The following USP15 variants were observed in gnomAD, a reference collection of about 807,000 sequenced individuals.
USP15 encodes the protein ubiquitin specific peptidase 15.
A neutral mutation model predicts 127.1 loss-of-function variants in USP15; 18 were observed. That is an observed-to-expected ratio of 0.14 (90% CI 0.10 to 0.21). The LOEUF is 0.21. Ranked by LOEUF, USP15 falls within the 10% of genes least tolerant of loss-of-function variation. USP15 has a pLI of 1.00. For missense variants in USP15, 805 were observed against 1,159.9 expected (o/e 0.69, Z 4.44); for synonymous variants, 364 against 393.7 (o/e 0.92, Z 0.89).
intron 1 of USP15, among the ~76,000 whole-genome samples, chr12:62,265,308 C>G (rs189366443): frequency 6.6e-6 from 1 of 152,148 alleles, no homozygotes; most frequent in South Asian, 2.1e-4. Context: ...AGGCCATGAC[C>G]TGTAATATTA....
intron 4 of USP15, among the ~76,000 whole-genome samples, chr12:62,319,540 A>G (rs2064926233): frequency 6.6e-6 from 1 of 152,208 alleles, no homozygotes; most frequent in African/African-American, 2.4e-5. Flanking sequence ...CTACAGAAGT[A>G]CCTTTATAGT....
chr12:62,364,536 A>C (rs970109085), intron 8 of USP15, among the ~76,000 whole-genome samples: 5 of 152,062 alleles, frequency 3.3e-5, no homozygotes, highest in Admixed American at 6.6e-5. Context: ...TTATTTAGTG[A>C]ATGGAATTAT....
At chr12:62,398,144 C>T (rs1038019696) in intron 20 of USP15, among the ~76,000 whole-genome samples, 6 of 151,742 alleles carry the variant, frequency 4.0e-5, no homozygotes, top group Non-Finnish European at 5.9e-5. Context: ...GCACATGCCA[C>T]CACACCCAGC....
chr12:62,402,221 A>G (rs1460771462), intron 21 of USP15, among the ~76,000 whole-genome samples: 1 of 151,940 alleles, frequency 6.6e-6, no homozygotes, highest in Non-Finnish European at 1.5e-5. Context: ...TTCTTCATTT[A>G]GTCAACAAAT....
At chr12:62,301,377 G>A (rs1371190864) in intron 2 of USP15, among the ~76,000 whole-genome samples, 7 of 152,108 alleles carry the variant, frequency 4.6e-5, no homozygotes, top group Non-Finnish European at 1.0e-4. Flanking sequence ...CCATATGACC[G>A]ATTGTACACA....
chr12:62,322,140 T>C (rs1216894518), intron 5 of USP15, among the ~76,000 whole-genome samples: 1 of 152,212 alleles, frequency 6.6e-6, no homozygotes, highest in Non-Finnish European at 1.5e-5. Flanking sequence ...TTTTGTTTGT[T>C]TGTTTGAGAC....
chr12:62,300,976 T>C (rs2131435), intron 2 of USP15, among the ~76,000 whole-genome samples: 33,968 of 151,916 alleles, frequency 0.22, 4,095 homozygotes, highest in African/African-American at 0.33. Flanking sequence ...TACAATCATG[T>C]AGCAGATAAA....
intron 1 of USP15, among the ~76,000 whole-genome samples, chr12:62,276,284 C>T (rs2063487718): frequency 6.6e-6 from 1 of 152,066 alleles, no homozygotes; most frequent in South Asian, 2.1e-4. Context: ...ATTTATAAAG[C>T]ATTGACTCCT....
In USP15 at chr12:62,366,524, T is replaced by A. The variant is rs148726276; in HGVS notation, c.915+11049T>A. Among the ~76,000 whole-genome samples, 690 of 152,336 alleles carry A rather than the reference T, an allele frequency of 4.5e-3. 5 individuals carry two copies. The highest frequency in any genetic ancestry group is 0.01 in the Middle Eastern group (3 of 294). The stretch of plus-strand genomic sequence containing the variant: ...GAGACAATTTGACTTCCTCTTTTCC[T>A]GTTTGAATACCCTTTATTTCTTTCT... On this transcript the variant is annotated intron_variant, in intron 8 of 21. Coordinates refer to ENST00000280377, the MANE Select transcript of USP15 (RefSeq NM_001252078.2).
At position 62,383,866 on chromosome 12, in the gene USP15, G is replaced by A; in HGVS notation, c.1116G>A (p.Gln372=). 1 of 1,612,716 alleles carries A rather than the reference G, an allele frequency of 6.2e-7. No homozygotes were observed. The highest frequency in any genetic ancestry group is 8.5e-7 in the Non-Finnish European group (1 of 1,178,990). ...CACAGGTAGGACGTTTTGCACCTCA[G>A]TTCTCTGGATATCAGCAGCAAGACT... ...FKTQVGRFAP[Q]FSGYQQQDCQ... The change falls in exon 10 of 22, where the codon CAG becomes CAA. Residue 372 remains glutamine (Q), a synonymous_variant. Transcript: ENST00000280377.
At chr12:62,354,295 A>C (rs2066054162) in intron 7 of USP15, among the ~76,000 whole-genome samples, 1 of 151,990 alleles carries the variant, frequency 6.6e-6, no homozygotes, top group Admixed American at 6.6e-5. Flanking sequence ...AAGTAATACC[A>C]GGAATAAATT....
intron 1 of USP15, among the ~76,000 whole-genome samples, chr12:62,279,842 A>G (rs1044786925): frequency 1.3e-5 from 2 of 152,134 alleles, no homozygotes; most frequent in East Asian, 1.9e-4. Flanking sequence ...AGAATAGTCC[A>G]TCTTTGCCTA....
At chr12:62,267,878 T>G (rs2063235879) in intron 1 of USP15, among the ~76,000 whole-genome samples, 1 of 152,152 alleles carries the variant, frequency 6.6e-6, no homozygotes, top group African/African-American at 2.4e-5. Flanking sequence ...TCTGGATTGA[T>G]TTCTGTTATT....
chr12:62,279,551 A>C (rs1177535930), intron 1 of USP15, among the ~76,000 whole-genome samples: 1 of 152,110 alleles, frequency 6.6e-6, no homozygotes, highest in East Asian at 1.9e-4. Flanking sequence ...AGGAACCTTC[A>C]TACCATTTTC....
chr12:62,344,444 G>A (rs914323337), intron 6 of USP15, among the ~76,000 whole-genome samples: 1 of 152,222 alleles, frequency 6.6e-6, no homozygotes, highest in African/African-American at 2.4e-5. Flanking sequence ...CTCTTTCCCT[G>A]TGGCTTTGCA....
intron 5 of USP15, among the ~76,000 whole-genome samples, chr12:62,324,193 A>T (rs2065065061): frequency 6.6e-6 from 1 of 152,052 alleles, no homozygotes; most frequent in Non-Finnish European, 1.5e-5. Flanking sequence ...ACAAAATTTT[A>T]TGCAGAAAAT....
chr12:62,263,788 TTAGGAACTA>T (rs1334755945), intron 1 of USP15, among the ~76,000 whole-genome samples: 1 of 152,156 alleles, frequency 6.6e-6, no homozygotes, highest in African/African-American at 2.4e-5. Flanking sequence ...AATTTAGAGT[TTAGGAACTA>T]TAGGAAAGAG....
intron 8 of USP15, among the ~76,000 whole-genome samples, chr12:62,368,577 T>G (rs2066556832): frequency 6.6e-6 from 1 of 152,220 alleles, no homozygotes. Flanking sequence ...CTTCTTTGTC[T>G]CTTTTGATCC....
chr12:62,321,174 A>G (rs1309812509), intron 4 of USP15, among the ~76,000 whole-genome samples: 1 of 152,176 alleles, frequency 6.6e-6, no homozygotes, highest in Non-Finnish European at 1.5e-5. Flanking sequence ...GTTAAAATTT[A>G]AAGTTTATCC....
Sources: allele counts gnomAD v4.1 joint callset (sites outside exome capture counted in the v4.1 genomes callset), GRCh38; gene constraint gnomAD v4.1.1; transcripts MANE v1.5; gene names NCBI Gene and HGNC (gene_info 2026-07-23, HGNC 2026-07-21).